The following PLAT variants were observed in gnomAD, a reference collection of about 807,000 sequenced individuals.
PLAT encodes tissue-type plasminogen activator.
A neutral mutation model predicts 74.9 loss-of-function variants in PLAT; 48 were observed. The ratio of observed to expected loss-of-function variants is 0.64; its 90% CI spans 0.51 to 0.82. The LOEUF is 0.82. PLAT is among the 40% of genes least tolerant of loss of function. PLAT has a pLI of 0.00. For missense variants in PLAT, 673 were observed against 736.2 expected, an observed-to-expected ratio of 0.91 and a Z score of 0.99; for synonymous variants, 307 against 294.4, an observed-to-expected ratio of 1.04 and a Z score of -0.44.
chr8:42,203,988 T>TACACACAC (rs1208295801), intron 1 of PLAT, among the ~76,000 whole-genome samples: 1,556 of 123,024 alleles, frequency 0.013, 48 homozygotes, highest in African/African-American at 0.069. Flanking sequence ...TATATATATA[T>TACACACAC]ATATACACAC....
At chr8:42,188,880 C>T (rs1805583333) in intron 4 of PLAT, 54 bp downstream of exon 4, 2 of 1,535,746 alleles carry the variant, frequency 1.3e-6, no homozygotes, top group African/African-American at 1.4e-5. Flanking sequence ...CCACCTTGGC[C>T]TCCTAAAGTG....
intron 8 of PLAT, chr8:42,182,224 T>G (rs965309804): frequency 2.6e-5 from 12 of 469,820 alleles, no homozygotes; most frequent in African/African-American, 2.0e-4. Context: ...AATCCCATTT[T>G]CAGCCACATC....
At chr8:42,182,564 T>C (rs894297899) in intron 8 of PLAT, 155 bp downstream of exon 8, 3 of 591,848 alleles carry the variant, frequency 5.1e-6, no homozygotes, top group Non-Finnish European at 8.7e-6. Context: ...ATATGTGTTA[T>C]TCTAGCAAGT....
chr8:42,190,031 C>T (rs572356710), intron 3 of PLAT, among the ~76,000 whole-genome samples: 18 of 152,184 alleles, frequency 1.2e-4, no homozygotes, highest in African/African-American at 4.3e-4. Flanking sequence ...CTGCGTCAAC[C>T]TCCCAAGTAG....
At chr8:42,203,510 C>T (rs774351545) in intron 1 of PLAT, among the ~76,000 whole-genome samples, 4 of 152,212 alleles carry the variant, frequency 2.6e-5, no homozygotes, top group African/African-American at 4.8e-5. Context: ...GTTTCTAAAA[C>T]ACTTGCTGTG....
At chr8:42,187,114 TCTATCTATCAC>T in intron 6 of PLAT, 1 of 248,188 alleles carries the variant, frequency 4.0e-6, no homozygotes, top group Non-Finnish European at 7.5e-6. Context: ...CAATCTATCA[TCTATCTATCAC>T]CTATCATCTG....
At chr8:42,199,250 G>A (rs1234793673) in intron 1 of PLAT, among the ~76,000 whole-genome samples, 1 of 152,198 alleles carries the variant, frequency 6.6e-6, no homozygotes, top group Non-Finnish European at 1.5e-5. Context: ...ATAACTAGGG[G>A]AGAAGAGAGG....
chr8:42,196,570 C>A (rs1343591136), intron 1 of PLAT, among the ~76,000 whole-genome samples: 1 of 152,100 alleles, frequency 6.6e-6, no homozygotes, highest in Non-Finnish European at 1.5e-5. Context: ...AAGAGGTGGG[C>A]GTCGAGGTCT....
chr8:42,195,182 C>T (rs1465486498), intron 1 of PLAT, among the ~76,000 whole-genome samples: 3 of 151,670 alleles, frequency 2.0e-5, no homozygotes, highest in African/African-American at 7.3e-5. Context: ...TGCCTCCCTG[C>T]CTGGGTCCGG....
rs1298538292 is a variant in PLAT, at chr8:42,175,029, A to T, written c.*964T>A. ...GTGACCGGCTCCACTGTACCTTGGTACTTCTCTAAATGCCATATTAGCCCA... is the reference window on the plus strand; with the variant it reads ...GTGACCGGCTCCACTGTACCTTGGTTCTTCTCTAAATGCCATATTAGCCCA... On this transcript the variant is annotated 3_prime_UTR_variant, in exon 14 of 14. Coordinates refer to ENST00000220809, the MANE Select transcript of PLAT (RefSeq NM_000930.5). Among the ~76,000 whole-genome samples, 1 of 152,130 alleles carries T rather than the reference A, an allele frequency of 6.6e-6. No homozygotes were observed. Among genetic ancestry groups the T allele is most frequent in the Non-Finnish European group, 1.5e-5 (1 of 68,026 alleles).
At position 42,180,242 on chromosome 8, in the gene PLAT, C is replaced by A; in HGVS notation, c.1222G>T (p.Ala408Ser). 6.2e-7 allele frequency: 1 copy of A among 1,614,182 alleles called. No individual in the cohort carries two copies. The highest frequency in any genetic ancestry group is 2.2e-5 in the East Asian group (1 of 44,882). ...GGAGCCGGGAATGACGAGCTCTTAC[C>A]AATGTCATTGTCGTAAGTGTCATCA... is the stretch of plus-strand genomic sequence containing the variant. ...FDDDTYDNDIALLQLKSDSSR... is the reference protein window; with the variant it reads ...FDDDTYDNDISLLQLKSDSSR... The change falls in exon 11 of 14, where the codon GCG (alanine) becomes TCG (serine). Residue 408 changes from alanine (A) to serine (S), a missense_variant and splice_region_variant. By Grantham distance (99) the Ala-to-Ser change is moderately conservative. Transcript: ENST00000220809.
intron 1 of PLAT, among the ~76,000 whole-genome samples, chr8:42,199,079 C>A (rs1050648517): frequency 2.0e-5 from 3 of 152,220 alleles, no homozygotes; most frequent in African/African-American, 7.2e-5. Flanking sequence ...AGCCTGGTAG[C>A]TCTCATCCCA....
intron 9 of PLAT, among the ~76,000 whole-genome samples, chr8:42,181,375 T>C (rs1380060941): frequency 6.6e-6 from 1 of 152,228 alleles, no homozygotes; most frequent in African/African-American, 2.4e-5. Flanking sequence ...CCAGCTCCCC[T>C]GTGTGAAATA....
In PLAT at chr8:42,185,078, T is replaced by TA; in HGVS notation, c.631+2dup. On this transcript the variant is annotated splice_region_variant and intron_variant, in intron 7 of 13. Transcript: ENST00000220809. ...AGGGAAAGGCGGGGTGGCTGCCACT[T>TA]ACCCTCAGAGCAGGCAGGGGTGCTG... The TA allele has an allele frequency of 6.3e-7, 1 of 1,591,872 alleles. No homozygotes were observed. Among genetic ancestry groups the TA allele is most frequent in the Non-Finnish European group, 8.6e-7 (1 of 1,168,866 alleles).
rs776948292 is a variant in PLAT, at chr8:42,180,678, G to A, written c.897C>T (p.Cys299=). 1.9e-6 allele frequency: 3 copies of A among 1,565,162 alleles called. No homozygotes were observed. The highest frequency in any genetic ancestry group is 3.7e-5 in the Admixed American group (2 of 54,522). ...GAGGCTGGCTGTACTGTCTCAGGCCGCAGGTGGCTGGGGAGGAAAGGACGA... is the reference window on the plus strand; with the variant it reads ...GAGGCTGGCTGTACTGTCTCAGGCCACAGGTGGCTGGGGAGGAAAGGACGA... The part of the protein sequence containing the change: ...EYCDVPSCST[C]GLRQYSQPQF... Residue 299 remains cysteine, a synonymous_variant, in exon 10 of 14, where the codon TGC becomes TGT. Coordinates refer to ENST00000220809, the MANE Select transcript of PLAT (RefSeq NM_000930.5).
At position 42,175,880 on chromosome 8, in the gene PLAT, C is replaced by G; in HGVS notation, c.*113G>C. 2.0e-6 allele frequency: 2 copies of G among 1,012,686 alleles called. No individual in the cohort carries two copies. Among genetic ancestry groups the G allele is most frequent in the Non-Finnish European group, 3.0e-6 (2 of 670,452 alleles). The allele number at this position is 1,012,686 out of a possible 1,614,324, so 62.7% of individuals were successfully genotyped here. A position where few individuals can be genotyped will look rare whatever the true frequency, so the allele number is the denominator to read the frequency against. On this transcript the variant is annotated 3_prime_UTR_variant, in exon 14 of 14. Coordinates refer to ENST00000220809, the MANE Select transcript of PLAT (RefSeq NM_000930.5). ...TCTCCTGTAGGGTCTCGTCCCGCTT[C>G]TGCGGTGTGGTGGGTCTGGAGAAGT...
At position 42,180,587 on chromosome 8, in the gene PLAT, C is replaced by T. The variant is rs1212366173; in HGVS notation, c.988G>A (p.Ala330Thr). ...TCTCCGGGCGACCTCCTGTGCTTGG[C>T]AAAGATGGCAGCCTGCCAGGGGTGG... is the stretch of plus-strand genomic sequence containing the variant. ...ASHPWQAAIF[A>T]KHRRSPGERF... Residue 330 changes from alanine (A) to threonine (T), a missense_variant, in exon 10 of 14, where the codon GCC (alanine) becomes ACC (threonine). Coordinates refer to ENST00000220809, the MANE Select transcript of PLAT (RefSeq NM_000930.5). 1 of 1,613,514 alleles carries T rather than the reference C, an allele frequency of 6.2e-7. No homozygotes were observed. Among genetic ancestry groups the T allele is most frequent in the South Asian group, 1.1e-5 (1 of 90,996 alleles).
At chr8:42,201,317 T>C (rs1472525564) in intron 1 of PLAT, among the ~76,000 whole-genome samples, 2 of 152,242 alleles carry the variant, frequency 1.3e-5, no homozygotes, top group Non-Finnish European at 2.9e-5. Context: ...CTTGCTGAAT[T>C]GTAAGGTAAC....
intron 1 of PLAT, among the ~76,000 whole-genome samples, chr8:42,194,682 T>C (rs1267220721): frequency 6.6e-6 from 1 of 152,110 alleles, no homozygotes; most frequent in Non-Finnish European, 1.5e-5. Context: ...CAGCACATCA[T>C]AGAGCCAGCC....
Sources: allele counts gnomAD v4.1 joint callset (sites outside exome capture counted in the v4.1 genomes callset), GRCh38; gene constraint gnomAD v4.1.1; transcripts MANE v1.5; gene names NCBI Gene and HGNC (gene_info 2026-07-23, HGNC 2026-07-21).